The following WDFY3 variants were observed in gnomAD, a reference collection of about 807,000 sequenced individuals.
The protein encoded by WDFY3 is WD repeat and FYVE domain-containing protein 3.
Under a neutral mutation model 409.6 loss-of-function variants are expected in WDFY3, and 66 were observed. That is an observed-to-expected ratio of 0.16 (90% CI 0.13 to 0.20). WDFY3 has a LOEUF of 0.20. Ranked by LOEUF, WDFY3 falls within the 10% of genes least tolerant of loss-of-function variation. The pLI, the probability that WDFY3 is intolerant of heterozygous loss-of-function variation, is 1.00. For synonymous variants in WDFY3, 1,521 were observed against 1,537.1 expected, an observed-to-expected ratio of 0.99 and a Z score of 0.25; for missense variants, 3,031 against 4,298.1, an observed-to-expected ratio of 0.71 and a Z score of 8.24.
intron 64 of WDFY3, among the ~76,000 whole-genome samples, chr4:84,680,429 A>T (rs1171526495): frequency 6.6e-6 from 1 of 152,214 alleles, no homozygotes; most frequent in African/African-American, 2.4e-5. Flanking sequence ...AGCTGGGACC[A>T]CACGTGCATG....
At chr4:84,957,288 G>A (rs1200582273) in intron 1 of WDFY3, among the ~76,000 whole-genome samples, 1 of 150,338 alleles carries the variant, frequency 6.7e-6, no homozygotes, top group Admixed American at 6.6e-5. Context: ...AAACTACAAG[G>A]CATATCATAA....
rs138675540 is a variant in WDFY3, at chr4:84,859,184, G to C, written c.180+1228C>G. Reference sequence around the variant, plus strand: ...GAGGAGAACAAGTTCTATAATAATGGAAAAATAAAGGTAGTATAGTATAAG... The same window carrying C: ...GAGGAGAACAAGTTCTATAATAATGCAAAAATAAAGGTAGTATAGTATAAG... On this transcript the variant is annotated intron_variant, in intron 4 of 67. Coordinates refer to ENST00000295888, the MANE Select transcript of WDFY3 (RefSeq NM_014991.6). 2.8e-3 allele frequency among the ~76,000 whole-genome samples: 419 copies of C among 152,156 alleles called. 2 individuals are homozygous for C. The highest frequency in any genetic ancestry group is 9.8e-3 in the African/African-American group (408 of 41,508).
At chr4:84,933,981 T>C (rs2150979605) in intron 1 of WDFY3, among the ~76,000 whole-genome samples, 1 of 152,226 alleles carries the variant, frequency 6.6e-6, no homozygotes, top group Non-Finnish European at 1.5e-5. Context: ...TGCTCATAAA[T>C]ATGGGAGTGT....
chr4:84,963,583 G>GTA (rs1775214528), intron 1 of WDFY3, among the ~76,000 whole-genome samples: 1 of 152,300 alleles, frequency 6.6e-6, no homozygotes, highest in South Asian at 2.1e-4. Context: ...ACAGAGGTTA[G>GTA]TATCATTAAG....
intron 13 of WDFY3, among the ~76,000 whole-genome samples, chr4:84,811,224 C>G (rs1428507745): frequency 6.6e-5 from 10 of 152,152 alleles, no homozygotes; most frequent in Non-Finnish European, 1.2e-4. Context: ...GTCTCAAACT[C>G]CTAGTCTCAA....
chr4:84,775,230 T>C, intron 27 of WDFY3, 92 bp from the exon 28 acceptor site: 1 of 1,017,480 alleles, frequency 9.8e-7, no homozygotes. Flanking sequence ...TGGAACTTAT[T>C]TCACTTATAT....
Position 84,932,346 on chromosome 4 carries a change from C to T in WDFY3, c.-208G>A, listed in dbSNP as rs1386917843. On this transcript the variant is annotated 5_prime_UTR_variant, in exon 2 of 68. Coordinates refer to ENST00000295888, the MANE Select transcript of WDFY3 (RefSeq NM_014991.6). ...GCAGGCACTTTCTTCCTGAAGCAGA[C>T]GTGGAGAAGTATTATACCTGATGAA... 6.6e-6 allele frequency: 1 copy of T among 151,972 alleles called. No homozygotes were observed. Among genetic ancestry groups the T allele is most frequent in the East Asian group, 1.9e-4 (1 of 5,190 alleles). The allele number at this position is 151,972 out of a possible 1,614,324, so 9.4% of individuals were successfully genotyped here.
chr4:84,860,312 C>T, intron 4 of WDFY3, 100 bp downstream of exon 4: 2 of 1,344,418 alleles, frequency 1.5e-6, no homozygotes, highest in Non-Finnish European at 2.0e-6. Context: ...AAAACTAACT[C>T]AGCCTATCAT....
At chr4:84,739,916 T>A (rs1306705416) in intron 39 of WDFY3, among the ~76,000 whole-genome samples, 1 of 152,204 alleles carries the variant, frequency 6.6e-6, no homozygotes, top group Non-Finnish European at 1.5e-5. Context: ...ATGGTATATA[T>A]TTTATTTGCT....
intron 4 of WDFY3, among the ~76,000 whole-genome samples, chr4:84,855,113 A>G (rs1016849527): frequency 1.3e-5 from 2 of 152,234 alleles, no homozygotes; most frequent in African/African-American, 4.8e-5. Context: ...ACCCATTTAA[A>G]ATCTGCGTAG....
intron 2 of WDFY3, among the ~76,000 whole-genome samples, chr4:84,911,160 T>C (rs1767726339): frequency 6.6e-6 from 1 of 152,056 alleles, no homozygotes; most frequent in African/African-American, 2.4e-5. Flanking sequence ...ATTTGTGAAA[T>C]CATACATCTG....
intron 51 of WDFY3, among the ~76,000 whole-genome samples, chr4:84,710,289 G>A (rs1447303834): frequency 6.6e-6 from 1 of 152,118 alleles, no homozygotes; most frequent in Non-Finnish European, 1.5e-5. Context: ...GGTACATAAT[G>A]CATTAAATAA....
chr4:84,752,488 C>T (rs935057656), intron 35 of WDFY3, among the ~76,000 whole-genome samples: 3 of 150,878 alleles, frequency 2.0e-5, no homozygotes, highest in Non-Finnish European at 4.4e-5. Flanking sequence ...GATCGTGCCA[C>T]CATTGCACTC....
intron 44 of WDFY3, among the ~76,000 whole-genome samples, chr4:84,729,953 A>G (rs1477880495): frequency 2.0e-5 from 3 of 152,180 alleles, no homozygotes; most frequent in Non-Finnish European, 4.4e-5. Flanking sequence ...AGTACTGACT[A>G]TATTAAACAT....
intron 32 of WDFY3, among the ~76,000 whole-genome samples, chr4:84,758,971 G>A (rs983635001): frequency 3.3e-5 from 5 of 152,196 alleles, no homozygotes; most frequent in East Asian, 1.9e-4. Flanking sequence ...ATCTTGAATT[G>A]ATTTTTGTAT....
Position 84,860,493 on chromosome 4 carries a change from C to G in WDFY3, c.99G>C (p.Thr33=), listed in dbSNP as rs142451080. Residue 33 remains threonine, a synonymous_variant, in exon 4 of 68, where the codon ACG becomes ACC. Transcript: ENST00000295888. ...TGTGCCGGGGAGGATGGCACAACTC[C>G]GTGAAGAGCCGGCGGAGGTGCATCA... ...LGLMHLRRLF[T]ELCHPPRHMT... 6.2e-7 allele frequency: 1 copy of G among 1,613,930 alleles called. No homozygotes were observed. The highest frequency in any genetic ancestry group is 1.3e-5 in the African/African-American group (1 of 74,902).
At chr4:84,889,365 C>T (rs535308721) in intron 3 of WDFY3, among the ~76,000 whole-genome samples, 5 of 152,114 alleles carry the variant, frequency 3.3e-5, no homozygotes, top group African/African-American at 7.2e-5. Flanking sequence ...CATTAAACTA[C>T]GAATCGTTAT....
At chr4:84,834,117 G>A (rs564013654) in intron 7 of WDFY3, among the ~76,000 whole-genome samples, 16 of 152,252 alleles carry the variant, frequency 1.1e-4, no homozygotes, top group African/African-American at 3.4e-4. Flanking sequence ...TTCTGACACT[G>A]CCTTATGTGA....
intron 16 of WDFY3, among the ~76,000 whole-genome samples, chr4:84,803,018 G>A (rs776411625): frequency 6.6e-6 from 1 of 152,148 alleles, no homozygotes; most frequent in African/African-American, 2.4e-5. Context: ...CCACTGCTGA[G>A]CAGGATTTAT....
Sources: gnomAD v4.1 joint callset for allele counts (sites outside exome capture counted in the v4.1 genomes callset) on GRCh38, gnomAD v4.1.1 for gene constraint, MANE v1.5 for transcripts, NCBI Gene and HGNC (gene_info 2026-07-23, HGNC 2026-07-21) for gene names.